The following SCAF8 variants were observed in gnomAD, a reference collection of about 807,000 sequenced individuals.
SCAF8 encodes the protein SR-related CTD associated factor 8, also known as SR-related and CTD-associated factor 8.
Under a neutral mutation model 140.5 loss-of-function variants are expected in SCAF8, and 23 were observed. The ratio of observed to expected loss-of-function variants is 0.16; its 90% CI spans 0.12 to 0.23. The LOEUF (loss-of-function observed/expected upper bound fraction) is 0.23, where lower values mean the gene tolerates loss of function less well. Ranked by LOEUF, SCAF8 falls within the 10% of genes least tolerant of loss-of-function variation. The pLI is 1.00. For synonymous variants in SCAF8, 575 were observed against 528.9 expected (o/e 1.09, Z -1.20); for missense variants, 1,397 against 1,555.7 (o/e 0.90, Z 1.72).
At chr6:154,788,580 TAAATA>T (rs1329224599) in intron 4 of SCAF8, among the ~76,000 whole-genome samples, 1 of 152,246 alleles carries the variant, frequency 6.6e-6, no homozygotes, top group East Asian at 1.9e-4. Flanking sequence ...CAATTGGTGT[TAAATA>T]AAATGGCTAA....
intron 6 of SCAF8, among the ~76,000 whole-genome samples, chr6:154,797,899 C>G (rs1777654168): frequency 6.6e-6 from 1 of 151,364 alleles, no homozygotes; most frequent in African/African-American, 2.4e-5. Context: ...TTGTGTTGCA[C>G]TCCCTTTTAC....
rs764845605 is a variant in SCAF8, at chr6:154,808,806, A to G, written c.1226+8A>G. 25 of 1,555,892 alleles carry G rather than the reference A, an allele frequency of 1.6e-5. No individual in the cohort carries two copies. In the South Asian group the frequency reaches 2.3e-4, roughly 15 times the overall value. On this transcript the variant is annotated splice_region_variant and intron_variant, in intron 11 of 19. Transcript: ENST00000367178. Reference sequence around the variant, plus strand: ...TTCACGATCTCGTTCAAGGTTCTACAATGATATTTAATAATAGCCGTGTGT... The same window carrying G: ...TTCACGATCTCGTTCAAGGTTCTACGATGATATTTAATAATAGCCGTGTGT...
chr6:154,785,274 A>G (rs1398116768), intron 3 of SCAF8, among the ~76,000 whole-genome samples: 2 of 152,136 alleles, frequency 1.3e-5, no homozygotes, highest in Non-Finnish European at 2.9e-5. Flanking sequence ...AGTTTTTGCA[A>G]TTCTGAACAG....
chr6:154,821,692 C>T (rs190224643), intron 15 of SCAF8, among the ~76,000 whole-genome samples: 1 of 152,022 alleles, frequency 6.6e-6, no homozygotes, highest in East Asian at 1.9e-4. Flanking sequence ...TGTTTGTATT[C>T]AAAAATAAGA....
intron 6 of SCAF8, among the ~76,000 whole-genome samples, chr6:154,796,353 T>TTCCCTCTCTCTCTCTC (rs772760237): frequency 1.6e-4 from 12 of 75,234 alleles, no homozygotes; most frequent in East Asian, 1.1e-3. Flanking sequence ...TGCAATCCTG[T>TTCCCTCTCTCTCTCTC]TCTCTCTCTC....
chr6:154,830,437 A>T (rs1343973832), intron 18 of SCAF8, among the ~76,000 whole-genome samples: 1 of 152,182 alleles, frequency 6.6e-6, no homozygotes, highest in Non-Finnish European at 1.5e-5. Flanking sequence ...TTATAGCTTC[A>T]TATTTGTAGT....
chr6:154,736,666 TC>T (rs1044992871), intron 1 of SCAF8, among the ~76,000 whole-genome samples: 4 of 152,140 alleles, frequency 2.6e-5, no homozygotes, highest in African/African-American at 9.7e-5. Context: ...AAATGTTAAT[TC>T]CAGTTTTTCG....
At chr6:154,825,073 C>T (rs1184216690) in intron 17 of SCAF8, 1 of 152,004 alleles carries the variant, frequency 6.6e-6, no homozygotes, top group African/African-American at 2.4e-5. Context: ...TGCATTGTCC[C>T]TCCTAAGAAT....
chr6:154,771,939 T>TA (rs1415277045), intron 1 of SCAF8, among the ~76,000 whole-genome samples: 16 of 152,204 alleles, frequency 1.1e-4, no homozygotes, highest in African/African-American at 3.9e-4. Context: ...ACATACCGCA[T>TA]GTATTTAGAC....
intron 1 of SCAF8, 76 bp downstream of exon 1, chr6:154,734,006 T>C: frequency 7.0e-7 from 1 of 1,436,852 alleles, no homozygotes; most frequent in South Asian, 1.5e-5. Context: ...GCCCGGAGGG[T>C]GGGCGCGGGC....
rs1583036818 is a variant in SCAF8, at chr6:154,790,160, A to G, written c.321+2138A>G. 2.0e-5 allele frequency among the ~76,000 whole-genome samples: 3 copies of G among 152,176 alleles called. No individual in the cohort carries two copies. In the East Asian group the frequency reaches 5.8e-4, roughly 29 times the overall value. ...CATAAATGAAGGACATCGTATGTAG[A>G]TATATGGAATGATAGTTGTTAGGTG... is the stretch of plus-strand genomic sequence containing the variant. On this transcript the variant is annotated intron_variant, in intron 4 of 19. Transcript: ENST00000367178.
intron 1 of SCAF8, among the ~76,000 whole-genome samples, chr6:154,756,728 T>C (rs1044244839): frequency 5.3e-5 from 8 of 152,294 alleles, no homozygotes; most frequent in Non-Finnish European, 1.0e-4. Context: ...TTCTGTTGCA[T>C]TGAAATACGT....
rs371821998 is a variant in SCAF8, at chr6:154,743,662, C to T, written c.30+9732C>T. On this transcript the variant is annotated intron_variant, in intron 1 of 19. Coordinates refer to ENST00000367178, the MANE Select transcript of SCAF8 (RefSeq NM_014892.5). ...AACTTGGGAAATAAAGATTTCTGTA[C>T]AGTGATCAATGTCTCAGAGGTTGAC... Among the ~76,000 whole-genome samples, 371 of 151,644 alleles carry T rather than the reference C, an allele frequency of 2.4e-3. 2 individuals carry two copies. The highest frequency in any genetic ancestry group is 8.6e-3 in the African/African-American group (357 of 41,288).
chr6:154,800,934 A>C (rs890049133), intron 6 of SCAF8, among the ~76,000 whole-genome samples: 4 of 151,496 alleles, frequency 2.6e-5, no homozygotes, highest in African/African-American at 7.2e-5. Context: ...TGACAGAAGA[A>C]ACTTTGAAAG....
At chr6:154,742,671 TAAGG>T (rs942048602) in intron 1 of SCAF8, among the ~76,000 whole-genome samples, 47 of 152,336 alleles carry the variant, frequency 3.1e-4, no homozygotes, top group African/African-American at 1.1e-3. Context: ...CCTTTAAACT[TAAGG>T]AAGGCTATGT....
chr6:154,808,641 C>A, intron 10 of SCAF8, 45 bp from the exon 11 acceptor site: 2 of 1,205,696 alleles, frequency 1.7e-6, no homozygotes, highest in South Asian at 1.2e-5. Flanking sequence ...ATAACTCTGT[C>A]TCAACCAGCC....
chr6:154,824,335 T>C lies in SCAF8; in HGVS notation c.2028T>C (p.Pro676=). The change falls in exon 17 of 20, where the codon CCT becomes CCC. Residue 676 remains proline (P), a synonymous_variant. Coordinates refer to ENST00000367178, the MANE Select transcript of SCAF8 (RefSeq NM_014892.5). ...PPPGFSPIPP[P]PFLRASFNPS... is the part of the protein sequence containing the mutation. Reference sequence around the variant, plus strand: ...CTGGATTCAGTCCAATCCCTCCACCTCCTTTTTTAAGAGCAAGTTTTAACC... The same window carrying C: ...CTGGATTCAGTCCAATCCCTCCACCCCCTTTTTTAAGAGCAAGTTTTAACC... 1 of 1,614,014 alleles carries C rather than the reference T, an allele frequency of 6.2e-7. No individual in the cohort carries two copies. Among genetic ancestry groups the C allele is most frequent in the Non-Finnish European group, 8.5e-7 (1 of 1,179,886 alleles).
chr6:154,745,883 TTTTTG>T lies in SCAF8; in HGVS notation c.30+11958_30+11962del, dbSNP rs1778686906. On this transcript the variant is annotated intron_variant, in intron 1 of 19. Transcript: ENST00000367178. ...AGTATGAACTCGTGGTGTTTTTTGT[TTTTTG>T]TTTTATTTGGCGACAGAGTCTCACT... Among the ~76,000 whole-genome samples, 2 of 151,982 alleles carry T rather than the reference TTTTTG, an allele frequency of 1.3e-5. 1 individual carries two copies. Among genetic ancestry groups the T allele is most frequent in the South Asian group, 4.1e-4 (2 of 4,824 alleles).
chr6:154,761,005 C>T (rs1776376893), intron 1 of SCAF8, among the ~76,000 whole-genome samples: 1 of 151,746 alleles, frequency 6.6e-6, no homozygotes, highest in South Asian at 2.1e-4. Flanking sequence ...CCTTGCTGTG[C>T]TGTGCAGGCT....
Sources: allele counts gnomAD v4.1 joint callset (sites outside exome capture counted in the v4.1 genomes callset), GRCh38; gene constraint gnomAD v4.1.1; transcripts MANE v1.5; gene names NCBI Gene and HGNC (gene_info 2026-07-23, HGNC 2026-07-21).